Variants in TCHHL1 observed in about 807,000 individuals in gnomAD.
The protein encoded by TCHHL1 is trichohyalin like 1, also known as trichohyalin-like protein 1.
Under a neutral mutation model 3.5 loss-of-function variants are expected in TCHHL1, and 1 was observed. That is an observed-to-expected ratio of 0.29 (90% CI 0.10 to 1.36). TCHHL1 has a LOEUF of 1.36. TCHHL1 is among the 40% of genes most tolerant of loss of function. TCHHL1 has a pLI of 0.43. For synonymous variants in TCHHL1, 405 were observed against 375.3 expected (o/e 1.08, Z -0.92); for missense variants, 1,027 against 1,032.8 (o/e 0.99, Z 0.08).
rs1441245341 is a variant in TCHHL1, at chr1:152,085,179, A to G, written c.2503T>C (p.Cys835Arg). 4 of 1,614,194 alleles carry G rather than the reference A, an allele frequency of 2.5e-6. No individual in the cohort carries two copies. In the East Asian group the frequency reaches 6.7e-5, roughly 27 times the overall value. ...ATCTCACTGGTGAGGGATACACTGCAAAGCTCTGGGCCTGATGCCTGGGCT... is the reference window on the plus strand; with the variant it reads ...ATCTCACTGGTGAGGGATACACTGCGAAGCTCTGGGCCTGATGCCTGGGCT... The part of the protein sequence containing the change: ...QIAQASGPEL[C>R]SVSLTSEISD... Residue 835 changes from cysteine to arginine, a missense_variant, in exon 3 of 3, where the codon TGC (cysteine) becomes CGC (arginine). By Grantham distance (180) the Cys-to-Arg change is radical (BLOSUM62 -3). Around this residue, in one of 3 missense-constraint regions of TCHHL1, gnomAD observed 673 missense variants for 658.6 expected, o/e 1.02. Transcript: ENST00000368806.
chr1:152,087,589 A>G (rs1422695205), intron 2 of TCHHL1, 46 bp from the exon 3 acceptor site: 3 of 1,499,886 alleles, frequency 2.0e-6, no homozygotes, highest in Non-Finnish European at 2.7e-6. Context: ...TATGTGGTCC[A>G]GTGTCCTAAG....
chr1:152,085,396 T>A lies in TCHHL1; in HGVS notation c.2286A>T (p.Lys762Asn). ...QELAGEGGDQ[K>N]SPAKKEHNSS... ...AATTGTGCTCTTTCTTGGCTGGACT[T>A]TTTTGGTCACCACCTTCTCCTGCCA... Residue 762 changes from lysine (K) to asparagine (N), a missense_variant, in exon 3 of 3, where the codon AAA becomes AAT. By Grantham distance (94) the Lys-to-Asn change is moderately conservative. Coordinates refer to ENST00000368806, the MANE Select transcript of TCHHL1 (RefSeq NM_001008536.2). 1 of 1,614,192 alleles carries A rather than the reference T, an allele frequency of 6.2e-7. No homozygotes were observed. Among genetic ancestry groups the A allele is most frequent in the Non-Finnish European group, 8.5e-7 (1 of 1,180,020 alleles).
rs769653817 is a variant in TCHHL1, at chr1:152,086,430, C to A, written c.1252G>T (p.Glu418Ter). ...TACTTCCCATCCTGTGTTTGGGTTTCCAGGACTAGTGGCCGAGTTTTTCTG... is the reference window on the plus strand; with the variant it reads ...TACTTCCCATCCTGTGTTTGGGTTTACAGGACTAGTGGCCGAGTTTTTCTG... ...RDRKTRPLVL[E>*]TQTQDGKYQE... The change falls in exon 3 of 3, where the codon GAA becomes TAA. Residue 418 changes from glutamate (E) to a stop codon, truncating the protein, a stop_gained. Transcript: ENST00000368806. LOFTEE classifies it low-confidence loss of function (END_TRUNC). 1.2e-6 allele frequency: 2 copies of A among 1,614,098 alleles called. No individual in the cohort carries two copies. The highest frequency in any genetic ancestry group is 1.7e-6 in the Non-Finnish European group (2 of 1,180,026).
rs968054211 is a variant in TCHHL1 at position 152,087,410 on chromosome 1, A to C, written c.272T>G (p.Leu91Ter). ...LNLCYLDIKS[L>*]LSSELRQVTK... Reference sequence around the variant, plus strand: ...CACCTGTCTTAGTTCAGAACTTAGTAATGATTTTATGTCAAGATAACAGAG... The same window carrying C: ...CACCTGTCTTAGTTCAGAACTTAGTCATGATTTTATGTCAAGATAACAGAG... The change falls in exon 3 of 3, where the codon TTA (leucine) becomes TGA (stop). Residue 91 changes from leucine (L) to a stop codon, truncating the protein, a stop_gained. Transcript: ENST00000368806. LOFTEE classifies it low-confidence loss of function (END_TRUNC). 5 of 1,612,376 alleles carry C rather than the reference A, an allele frequency of 3.1e-6. No individual in the cohort carries two copies. In the African/African-American group the frequency reaches 5.3e-5, roughly 17 times the overall value.
chr1:152,086,128 C>G lies in TCHHL1; in HGVS notation c.1554G>C (p.Lys518Asn), dbSNP rs1381514709. The G allele has an allele frequency of 6.2e-7, 1 of 1,614,170 alleles. No individual in the cohort carries two copies. Among genetic ancestry groups the G allele is most frequent in the Non-Finnish European group, 8.5e-7 (1 of 1,180,030 alleles). The part of the protein sequence containing the change: ...QSVGENTRVT[K>N]THDQPVEEED... ...CCTCCTCAACTGGTTGGTCATGAGT[C>G]TTGGTGACCCTAGTATTTTCTCCTA... Residue 518 changes from lysine (K) to asparagine (N), a missense_variant, in exon 3 of 3, where the codon AAG becomes AAC. Physicochemically the swap from Lys to Asn is moderately conservative, Grantham distance 94 (BLOSUM62 0). Around this residue, in one of 3 missense-constraint regions of TCHHL1, gnomAD observed 673 missense variants for 658.6 expected, o/e 1.02. Transcript: ENST00000368806.
rs753380486 is a variant in TCHHL1 at position 152,087,008 on chromosome 1, T to G, written c.674A>C (p.Lys225Thr). Reference protein sequence around the residue: ...SKKTSSPTERKGQDKEISQEG... With the variant: ...SKKTSSPTERTGQDKEISQEG... The stretch of plus-strand genomic sequence containing the variant: ...CTGGGAGATCTCCTTATCTTGTCCC[T>G]TCCTCTCTGTGGGACTGCTGGTCTT... The change falls in exon 3 of 3, where the codon AAG (lysine) becomes ACG (threonine). Residue 225 changes from lysine to threonine, a missense_variant. By Grantham distance (78) the Lys-to-Thr change is moderately conservative. Transcript: ENST00000368806. 3.7e-6 allele frequency: 6 copies of G among 1,614,170 alleles called. No homozygotes were observed. In the Admixed American group the frequency reaches 5.0e-5, roughly 13 times the overall value.
Position 152,087,042 on chromosome 1 carries a change from C to T in TCHHL1, c.640G>A (p.Gly214Arg), listed in dbSNP as rs1207590189. Residue 214 changes from glycine to arginine, a missense_variant, in exon 3 of 3, where the codon GGA (glycine) becomes AGA (arginine). Transcript: ENST00000368806. ...GTGGGACTGCTGGTCTTTTTTGATC[C>T]TGCCATTGGCTTATTTGTCTTAAGT... ...GQLKTNKPMA[G>R]SKKTSSPTER... 3 of 1,613,920 alleles carry T rather than the reference C, an allele frequency of 1.9e-6. No individual in the cohort carries two copies. The highest frequency in any genetic ancestry group is 2.5e-6 in the Non-Finnish European group (3 of 1,180,010).
chr1:152,086,089 C>T lies in TCHHL1; in HGVS notation c.1593G>A (p.Gln531=), dbSNP rs757904846. ...TGAATGGTGACTCAGGGTCCTCCCC[C>T]TGGTAACCATCCTCCTCCTCAACTG... is the stretch of plus-strand genomic sequence containing the variant. ...DQPVEEEDGY[Q]GEDPESPFTQ... is the part of the protein sequence containing the mutation. The change falls in exon 3 of 3, where the codon CAG becomes CAA. Residue 531 remains glutamine, a synonymous_variant. Transcript: ENST00000368806. 20 of 1,614,204 alleles carry T rather than the reference C, an allele frequency of 1.2e-5. No homozygotes were observed. The highest frequency in any genetic ancestry group is 1.6e-5 in the Non-Finnish European group (19 of 1,180,042).
Position 152,084,912 on chromosome 1 carries a change from T to G in TCHHL1, c.*55A>C. ...TAATCTGCATCTGAATGTGTACACGTGAGTATTGAGGGTGATTGGGAGAGA... is the reference window on the plus strand; with the variant it reads ...TAATCTGCATCTGAATGTGTACACGGGAGTATTGAGGGTGATTGGGAGAGA... On this transcript the variant is annotated 3_prime_UTR_variant, in exon 3 of 3. Transcript: ENST00000368806. 18 of 1,521,526 alleles carry G rather than the reference T, an allele frequency of 1.2e-5. No homozygotes were observed. Among genetic ancestry groups the G allele is most frequent in the Non-Finnish European group, 1.4e-5 (16 of 1,116,210 alleles). The allele number at this position is 1,521,526 out of a possible 1,614,324, so 94.3% of individuals were successfully genotyped here.
In TCHHL1 at chr1:152,088,105, C is replaced by T; in HGVS notation, c.39G>A (p.Glu13=). Residue 13 remains glutamate (E), a synonymous_variant, in exon 2 of 3, where the codon GAG becomes GAA. Coordinates refer to ENST00000368806, the MANE Select transcript of TCHHL1 (RefSeq NM_001008536.2). ...CCTCACTGGCATATTTGTGGAATGT[C>T]TCAATTACACAGAGGACATTTCTCA... ...QLLRNVLCVI[E]TFHKYASEDS... is the part of the protein sequence containing the mutation. 6.2e-7 allele frequency: 1 copy of T among 1,607,518 alleles called. No homozygotes were observed. The highest frequency in any genetic ancestry group is 1.1e-5 in the South Asian group (1 of 90,056).
chr1:152,087,997 G>C lies in TCHHL1; in HGVS notation c.138+9C>G, dbSNP rs1266526023. The C allele has an allele frequency of 1.3e-6, 2 of 1,584,796 alleles. No individual in the cohort carries two copies. Among genetic ancestry groups the C allele is most frequent in the East Asian group, 4.5e-5 (2 of 44,628 alleles). On this transcript the variant is annotated intron_variant, in intron 2 of 2. Transcript: ENST00000368806. ...GGAAAGAATTTACACAGCTCTGTGAGAAGCTCACCTGAAAAAAGTCCCCAA... is the reference window on the plus strand; with the variant it reads ...GGAAAGAATTTACACAGCTCTGTGACAAGCTCACCTGAAAAAAGTCCCCAA...
At position 152,085,721 on chromosome 1, in the gene TCHHL1, T is replaced by G. The variant is rs546414179; in HGVS notation, c.1961A>C (p.Glu654Ala). ...GAAVEPNGHP[E>A]AQESTAGDEN... The stretch of plus-strand genomic sequence containing the variant: ...ATCTCCTGCTGTGGATTCCTGTGCT[T>G]CTGGGTGTCCATTGGGCTCCACAGC... The change falls in exon 3 of 3, where the codon GAA becomes GCA. Residue 654 changes from glutamate to alanine, a missense_variant. Physicochemically the swap from Glu to Ala is moderately radical, Grantham distance 107. Transcript: ENST00000368806. 1.9e-6 allele frequency: 3 copies of G among 1,614,206 alleles called. No individual in the cohort carries two copies. Among genetic ancestry groups the G allele is most frequent in the East Asian group, 2.2e-5 (1 of 44,882 alleles).
chr1:152,087,150 G>A lies in TCHHL1; in HGVS notation c.532C>T (p.Pro178Ser), dbSNP rs755541384. ...TCTCCTTCCAGGTGTTTGTTCTTAG[G>A]ATCATTGTGTTCAGATGCTTCTCCT... Reference protein sequence around the residue: ...FPGEASEHNDPKNKHLEGDEQ... With the variant: ...FPGEASEHNDSKNKHLEGDEQ... The change falls in exon 3 of 3, where the codon CCT (proline) becomes TCT (serine). Residue 178 changes from proline (P) to serine (S), a missense_variant. By Grantham distance (74) the Pro-to-Ser change is moderately conservative. This residue lies in a region of TCHHL1 where 338 missense variants were observed against 335.9 expected (regional missense o/e 1.01). Coordinates refer to ENST00000368806, the MANE Select transcript of TCHHL1 (RefSeq NM_001008536.2). 7 of 1,614,134 alleles carry A rather than the reference G, an allele frequency of 4.3e-6. No individual in the cohort carries two copies. The highest frequency in any genetic ancestry group is 5.9e-6 in the Non-Finnish European group (7 of 1,180,036).
In TCHHL1 at chr1:152,088,173, A is replaced by G; in HGVS notation, c.-20-10T>C. 1 of 1,521,124 alleles carries G rather than the reference A, an allele frequency of 6.6e-7. No homozygotes were observed. The allele number at this position is 1,521,124 out of a possible 1,614,324, so 94.2% of individuals were successfully genotyped here. The stretch of plus-strand genomic sequence containing the variant: ...ACAAACTCAGGAGAGGCTGTGAGAA[A>G]GAATAAACAAAGCTCATTTTCCAGG... On this transcript the variant is annotated splice_polypyrimidine_tract_variant and intron_variant, in intron 1 of 2. Coordinates refer to ENST00000368806, the MANE Select transcript of TCHHL1 (RefSeq NM_001008536.2).
In TCHHL1 at chr1:152,085,574, C is replaced by T. The variant is rs2101504162; in HGVS notation, c.2108G>A (p.Gly703Asp). 6.2e-7 allele frequency: 1 copy of T among 1,614,186 alleles called. No homozygotes were observed. The highest frequency in any genetic ancestry group is 8.5e-7 in the Non-Finnish European group (1 of 1,180,040). Residue 703 changes from glycine to aspartate, a missense_variant, in exon 3 of 3, where the codon GGC becomes GAC. Around this residue, in one of 3 missense-constraint regions of TCHHL1, gnomAD observed 673 missense variants for 658.6 expected, o/e 1.02. Transcript: ENST00000368806. The stretch of plus-strand genomic sequence containing the variant: ...TCCTTTCTCTTCTTTGCTACTTGGG[C>T]CTTGGACCTTTAATTCATTTCTGCT... ...GDSRNELKVQ[G>D]PSSKEEKGRA...
chr1:152,086,970 G>T lies in TCHHL1; in HGVS notation c.712C>A (p.Pro238Thr). 6.2e-7 allele frequency: 1 copy of T among 1,613,968 alleles called. No individual in the cohort carries two copies. Among genetic ancestry groups the T allele is most frequent in the Non-Finnish European group, 8.5e-7 (1 of 1,180,000 alleles). Residue 238 changes from proline (P) to threonine (T), a missense_variant, in exon 3 of 3, where the codon CCA becomes ACA. Coordinates refer to ENST00000368806, the MANE Select transcript of TCHHL1 (RefSeq NM_001008536.2). ...DKEISQEGDE[P>T]AREQSVSKIR... ...TTGGAAACACTTTGCTCTCTGGCTG[G>T]TTCATCTCCTTCCTGGGAGATCTCC...
At chr1:152,087,794 G>A (rs1218889038) in intron 2 of TCHHL1, among the ~76,000 whole-genome samples, 1 of 152,198 alleles carries the variant, frequency 6.6e-6, no homozygotes, top group African/African-American at 2.4e-5. Context: ...CAGCTTTGCA[G>A]AAGCAATAAT....
chr1:152,085,146 A>G lies in TCHHL1; in HGVS notation c.2536T>C (p.Cys846Arg), dbSNP rs756505132. 6.2e-7 allele frequency: 1 copy of G among 1,614,002 alleles called. No individual in the cohort carries two copies. Among genetic ancestry groups the G allele is most frequent in the Non-Finnish European group, 8.5e-7 (1 of 1,180,012 alleles). ...SVSLTSEISD[C>R]SVFFNYSQAS... Reference sequence around the variant, plus strand: ...TGGCTGTAGTTGAAAAAGACAGAACAATCTGAGATCTCACTGGTGAGGGAT... The same window carrying G: ...TGGCTGTAGTTGAAAAAGACAGAACGATCTGAGATCTCACTGGTGAGGGAT... The change falls in exon 3 of 3, where the codon TGT (cysteine) becomes CGT (arginine). Residue 846 changes from cysteine to arginine, a missense_variant. Physicochemically the swap from Cys to Arg is radical, Grantham distance 180. Coordinates refer to ENST00000368806, the MANE Select transcript of TCHHL1 (RefSeq NM_001008536.2).
chr1:152,087,536 A>C lies in TCHHL1; in HGVS notation c.146T>G (p.Val49Gly). The C allele has an allele frequency of 1.9e-6, 3 of 1,590,780 alleles. No homozygotes were observed. The highest frequency in any genetic ancestry group is 2.6e-6 in the Non-Finnish European group (3 of 1,176,078). ...GEFGDFFQPC[V>G]LHAVEKNSNL... ...TGAATTTTTTTCCACAGCATGAAGG[A>C]CACAGGGCTGCATGAAAACACAGTG... The change falls in exon 3 of 3, where the codon GTC becomes GGC. Residue 49 changes from valine (V) to glycine (G), a missense_variant. Transcript: ENST00000368806.
Sources: gnomAD v4.1 joint callset for allele counts (sites outside exome capture counted in the v4.1 genomes callset) on GRCh38, gnomAD v4.1.1 for gene constraint, gnomAD v4.1.1 regional missense constraint, MANE v1.5 for transcripts, NCBI Gene and HGNC (gene_info 2026-07-23, HGNC 2026-07-21) for gene names.